The following TMEM74 variants were observed in gnomAD, a reference collection of about 807,000 sequenced individuals.
TMEM74 encodes the protein transmembrane protein 74.
Under a neutral mutation model 18.1 loss-of-function variants are expected in TMEM74, and 13 were observed. That is an observed-to-expected ratio of 0.72 (90% confidence interval 0.47 to 1.14). The LOEUF is 1.14. Among genes scored for constraint, TMEM74 ranks in the 50% most tolerant of loss-of-function variants. TMEM74 has a pLI of 0.00. For synonymous variants in TMEM74, 159 were observed against 146.6 expected (o/e 1.08, Z -0.61); for missense variants, 372 against 375.9 (o/e 0.99, Z 0.09).
At chr8:108,774,543 C>T (rs781699928), downstream of TMEM74, among the ~76,000 whole-genome samples, 2 of 152,154 alleles carry the variant, frequency 1.3e-5, no homozygotes, top group Non-Finnish European at 2.9e-5. Flanking sequence ...TGCATAAAGG[C>T]ATGTTGGTTT....
chr8:108,634,390 A>G (rs1054369015), intron 2 of TMEM74, among the ~76,000 whole-genome samples: 12 of 151,654 alleles, frequency 7.9e-5, no homozygotes, highest in African/African-American at 2.9e-4. Flanking sequence ...ACCAAATGCT[A>G]CTCCTATTTC....
At chr8:108,677,407 A>G (rs1813064732) in intron 1 of TMEM74, among the ~76,000 whole-genome samples, 1 of 152,188 alleles carries the variant, frequency 6.6e-6, no homozygotes, top group Non-Finnish European at 1.5e-5. Context: ...TATAAAATGT[A>G]TTATACGTAT....
chr8:108,637,719 A>G (rs1404168602), intron 2 of TMEM74, among the ~76,000 whole-genome samples: 1 of 152,144 alleles, frequency 6.6e-6, no homozygotes, highest in Non-Finnish European at 1.5e-5. Context: ...GACTACTGAC[A>G]CCTTTACTTT....
chr8:108,749,161 TG>T lies in TMEM74; in HGVS notation n.119+38314del, dbSNP rs1387545081. 3.3e-3 allele frequency among the ~76,000 whole-genome samples: 470 copies of T among 143,842 alleles called. 3 individuals carry two copies. The highest frequency in any genetic ancestry group is 0.012 in the African/African-American group (454 of 38,206). 94.4% of individuals were successfully genotyped at this position (143,842 alleles called of 152,430 possible). A position where few individuals can be genotyped will look rare whatever the true frequency, so the allele number is the denominator to read the frequency against. On this transcript the variant is annotated intron_variant and non_coding_transcript_variant, in intron 1 of 3. Coordinates refer to the TMEM74 transcript ENST00000518838. Reference sequence around the variant, plus strand: ...GGTTCCATGTGAATTTTAAAATAGTTGTTGTTTTTTTTTCTAATTCTGTGAA... The same window carrying T: ...GGTTCCATGTGAATTTTAAAATAGTTTTGTTTTTTTTTCTAATTCTGTGAA...
intron 1 of TMEM74, among the ~76,000 whole-genome samples, chr8:108,681,298 G>T (rs973167971): frequency 2.6e-5 from 4 of 152,048 alleles, no homozygotes; most frequent in Non-Finnish European, 5.9e-5. Context: ...AAAACAGCAT[G>T]GTACTGGTAC....
chr8:108,684,781 A>G (rs1441533615), intron 1 of TMEM74, among the ~76,000 whole-genome samples: 2 of 150,922 alleles, frequency 1.3e-5, no homozygotes, highest in East Asian at 1.9e-4. Context: ...GGGGGGTTCT[A>G]AATTCATTCT....
chr8:108,755,762 C>A (rs1874678), intron 1 of TMEM74, among the ~76,000 whole-genome samples: 55,580 of 151,816 alleles, frequency 0.37, 10,406 homozygotes, highest in African/African-American at 0.42. Context: ...CATGCAAAAA[C>A]GTACTGTTAA....
intron 1 of TMEM74, among the ~76,000 whole-genome samples, chr8:108,669,491 G>T (rs1315738226): frequency 1.3e-5 from 2 of 152,154 alleles, no homozygotes; most frequent in Admixed American, 1.3e-4. Context: ...TATGCTGTAA[G>T]GAGTAGAAGA....
intron 1 of TMEM74, among the ~76,000 whole-genome samples, chr8:108,707,941 G>C (rs1200306771): frequency 6.6e-6 from 1 of 152,196 alleles, no homozygotes; most frequent in Non-Finnish European, 1.5e-5. Context: ...TAAACTGTGT[G>C]TCATCGGTTT....
At chr8:108,735,128 A>G (rs1813734913) in intron 1 of TMEM74, among the ~76,000 whole-genome samples, 1 of 152,154 alleles carries the variant, frequency 6.6e-6, no homozygotes. Flanking sequence ...TTTCGTTTCC[A>G]TTCTATTTTA....
intron 1 of TMEM74, among the ~76,000 whole-genome samples, 183 bp from the exon 2 acceptor site, chr8:108,785,320 TC>T (rs1237243043): frequency 1.3e-5 from 2 of 152,126 alleles, no homozygotes; most frequent in Non-Finnish European, 2.9e-5. Context: ...GGACAAATGC[TC>T]TCACTTGTCA....
chr8:108,691,258 G>C (rs1813227970), intron 1 of TMEM74, among the ~76,000 whole-genome samples: 1 of 152,192 alleles, frequency 6.6e-6, no homozygotes, highest in Non-Finnish European at 1.5e-5. Context: ...AAAGGTAGTT[G>C]TTGGGAACCT....
chr8:108,657,842 CAAAAAAAAAAAA>C (rs1157229913), intron 1 of TMEM74, among the ~76,000 whole-genome samples: 19 of 16,676 alleles, frequency 1.1e-3, no homozygotes, highest in African/African-American at 2.4e-3. Flanking sequence ...GACACCGTCT[CAAAAAAAAAAAA>C]AAAAAATATA....
intron 1 of TMEM74, among the ~76,000 whole-genome samples, chr8:108,693,629 G>A (rs1292586223): frequency 6.6e-6 from 1 of 152,184 alleles, no homozygotes; most frequent in East Asian, 1.9e-4. Flanking sequence ...GTTACCAAAT[G>A]CCTTCCTAAA....
intron 1 of TMEM74, among the ~76,000 whole-genome samples, chr8:108,722,154 C>T (rs1311115216): frequency 1.3e-5 from 2 of 152,050 alleles, no homozygotes; most frequent in East Asian, 1.9e-4. Flanking sequence ...TATATTGGGC[C>T]CATCTGGTTA....
chr8:108,685,604 G>C (rs1497635), intron 1 of TMEM74, among the ~76,000 whole-genome samples: 37,136 of 152,012 alleles, frequency 0.24, 4,614 homozygotes, highest in East Asian at 0.29. Context: ...TTAAAGTCTT[G>C]ATCAAAATAA....
rs1194931102 is a variant in TMEM74, at chr8:108,782,229, C to T, written c.*1952G>A. The stretch of plus-strand genomic sequence containing the variant: ...CCTTCAGAATATAAAACTTATACCA[C>T]TGGTAAGGCAGCCTCAACAAAAATC... On this transcript the variant is annotated 3_prime_UTR_variant, in exon 2 of 2. Transcript: ENST00000297459. 2.0e-5 allele frequency among the ~76,000 whole-genome samples: 3 copies of T among 152,086 alleles called. No homozygotes were observed. Among genetic ancestry groups the T allele is most frequent in the Admixed American group, 1.3e-4 (2 of 15,272 alleles).
chr8:108,748,809 A>C (rs190648489), intron 1 of TMEM74, among the ~76,000 whole-genome samples: 184 of 151,536 alleles, frequency 1.2e-3, no homozygotes, highest in African/African-American at 4.1e-3. Context: ...AGTTTTTCTC[A>C]TGTGGCTAGC....
chr8:108,715,526 A>G (rs1813514766), intron 1 of TMEM74, among the ~76,000 whole-genome samples: 1 of 152,168 alleles, frequency 6.6e-6, no homozygotes, highest in African/African-American at 2.4e-5. Flanking sequence ...AGAAAGGCCT[A>G]TAATACAATC....
Sources: gnomAD v4.1 joint callset for allele counts (sites outside exome capture counted in the v4.1 genomes callset) on GRCh38, gnomAD v4.1.1 for gene constraint, MANE v1.5 for transcripts, NCBI Gene and HGNC (gene_info 2026-07-23, HGNC 2026-07-21) for gene names.